Variants in PRELID2 observed in about 807,000 individuals in gnomAD.
PRELID2 encodes PRELI domain-containing protein 2.
Under a neutral mutation model 28.4 loss-of-function variants are expected in PRELID2, and 25 were observed. That is an observed-to-expected ratio of 0.88 (90% CI 0.64 to 1.23). The LOEUF is 1.23. Among genes scored for constraint, PRELID2 ranks in the 50% most tolerant of loss-of-function variants. The pLI is 0.00. For missense variants in PRELID2, 201 were observed against 214.4 expected (o/e 0.94, Z 0.39); for synonymous variants, 76 against 71.6 (o/e 1.06, Z -0.31).
the PRELID2 span, among the ~76,000 whole-genome samples, chr5:145,336,048 T>C: frequency 6.6e-6 from 1 of 152,246 alleles, no homozygotes; most frequent in Non-Finnish European, 1.5e-5. Flanking sequence ...TTATCATGTG[T>C]CTTTTGGCTG....
chr5:145,669,881 G>A (rs1034616910), intron 1 of PRELID2, among the ~76,000 whole-genome samples: 8 of 152,016 alleles, frequency 5.3e-5, no homozygotes, highest in Non-Finnish European at 1.2e-4. Flanking sequence ...AGCCTTTCCT[G>A]ACCCTTGATA....
chr5:145,378,974 A>G, the PRELID2 span, among the ~76,000 whole-genome samples: 2 of 151,616 alleles, frequency 1.3e-5, no homozygotes, highest in African/African-American at 4.8e-5. Flanking sequence ...TTTTTTTTCT[A>G]TTAGATGAAG....
chr5:145,532,349 T>C (rs1022181074), intron 1 of PRELID2, among the ~76,000 whole-genome samples: 1 of 152,114 alleles, frequency 6.6e-6, no homozygotes, highest in Admixed American at 6.6e-5. Flanking sequence ...TTGGGTACAA[T>C]TGACACAAAA....
chr5:145,292,483 G>A, the PRELID2 span, among the ~76,000 whole-genome samples: 1 of 152,082 alleles, frequency 6.6e-6, no homozygotes, highest in Non-Finnish European at 1.5e-5. Context: ...AGCTCTAAGA[G>A]GATGAGGACT....
intron 1 of PRELID2, among the ~76,000 whole-genome samples, chr5:145,606,815 T>A (rs919689130): frequency 6.6e-6 from 1 of 152,132 alleles, no homozygotes; most frequent in Non-Finnish European, 1.5e-5. Context: ...TCAACCCTTT[T>A]GGAATAGTTT....
chr5:145,424,793 G>T, the PRELID2 span, among the ~76,000 whole-genome samples: 1 of 152,184 alleles, frequency 6.6e-6, no homozygotes, highest in African/African-American at 2.4e-5. Context: ...AGAGTTAAAT[G>T]TAAAACCCAA....
At chr5:145,553,179 A>AG (rs1752851553) in intron 1 of PRELID2, among the ~76,000 whole-genome samples, 1 of 134,932 alleles carries the variant, frequency 7.4e-6, no homozygotes, top group South Asian at 2.5e-4. Flanking sequence ...CAGTTGCTAG[A>AG]GGACCCCCCC....
the PRELID2 span, among the ~76,000 whole-genome samples, chr5:145,380,426 C>T: frequency 6.6e-6 from 1 of 152,156 alleles, no homozygotes. Context: ...CACCTGGCTG[C>T]TCTAATCGGC....
At position 145,622,135 on chromosome 5, in the gene PRELID2, A is replaced by C. The variant is rs187919038; in HGVS notation, n.70+142796T>G. Among the ~76,000 whole-genome samples, 23 of 152,320 alleles carry C rather than the reference A, an allele frequency of 1.5e-4. No homozygotes were observed. In the East Asian group the frequency reaches 4.4e-3, roughly 29 times the overall value. ...CCAGAATAAACAAAGCTTTAGAGACAGAAAACAGATTTGCCATTGTCTAGG... is the reference window on the plus strand; with the variant it reads ...CCAGAATAAACAAAGCTTTAGAGACCGAAAACAGATTTGCCATTGTCTAGG... On this transcript the variant is annotated intron_variant and non_coding_transcript_variant, in intron 1 of 2. Coordinates refer to the PRELID2 transcript ENST00000510259.
chr5:145,421,094 TG>T, the PRELID2 span, among the ~76,000 whole-genome samples: 2 of 151,502 alleles, frequency 1.3e-5, no homozygotes, highest in Non-Finnish European at 2.9e-5. Flanking sequence ...CACTTGATCA[TG>T]GGGGATAAGC....
At chr5:145,404,464 A>T in the PRELID2 span, among the ~76,000 whole-genome samples, 2 of 152,284 alleles carry the variant, frequency 1.3e-5, no homozygotes, top group African/African-American at 4.8e-5. Context: ...GTCCAGCACT[A>T]TGTTAGGCAG....
the PRELID2 span, among the ~76,000 whole-genome samples, chr5:145,375,154 A>C: frequency 6.6e-6 from 1 of 152,006 alleles, no homozygotes; most frequent in African/African-American, 2.4e-5. Context: ...TGACCCTTGA[A>C]TGCAGTTTTT....
intron 1 of PRELID2, among the ~76,000 whole-genome samples, chr5:145,609,467 G>C (rs1222118011): frequency 6.6e-6 from 1 of 152,218 alleles, no homozygotes; most frequent in Non-Finnish European, 1.5e-5. Context: ...CTGATCCACA[G>C]GTCTCCCTTA....
chr5:145,629,304 C>G (rs901526719), intron 1 of PRELID2, among the ~76,000 whole-genome samples: 1 of 152,332 alleles, frequency 6.6e-6, no homozygotes, highest in Non-Finnish European at 1.5e-5. Flanking sequence ...GTGTGCACAT[C>G]TGCATTTGTC....
chr5:145,448,737 C>G, the PRELID2 span, among the ~76,000 whole-genome samples: 35 of 152,106 alleles, frequency 2.3e-4, no homozygotes, highest in Admixed American at 2.3e-3. Flanking sequence ...AATCTGTTAT[C>G]TCATCTGTAA....
At chr5:145,634,023 G>C (rs1164163906) in intron 1 of PRELID2, among the ~76,000 whole-genome samples, 2 of 152,112 alleles carry the variant, frequency 1.3e-5, no homozygotes, top group Non-Finnish European at 2.9e-5. Flanking sequence ...TAAGCCCCAT[G>C]TGCCCCAGCT....
the PRELID2 span, among the ~76,000 whole-genome samples, chr5:145,312,462 G>A: frequency 1.3e-5 from 2 of 152,242 alleles, no homozygotes; most frequent in South Asian, 4.1e-4. Context: ...TTCTCCTATT[G>A]AAGTGAAACT....
rs138919039 is a variant in PRELID2 at position 145,591,059 on chromosome 5, G to A, written n.71-117744C>T. Among the ~76,000 whole-genome samples the A allele has an allele frequency of 6.1e-3, 925 of 152,220 alleles. 21 individuals carry two copies. The highest frequency in any genetic ancestry group is 0.021 in the African/African-American group (869 of 41,532). ...GCCTGTAATCCCAGCACTTCAGGAG[G>A]CTGAGGTAGGAGGATTGCTTGAGCC... On this transcript the variant is annotated intron_variant and non_coding_transcript_variant, in intron 1 of 2. Coordinates refer to the PRELID2 transcript ENST00000510259.
rs181665157 is a variant in PRELID2, at chr5:145,611,600, C to T, written n.71-138285G>A. Reference sequence around the variant, plus strand: ...CTAGCAAAATGGGTATAACTCTATTCAAAACAGAAACATTGTATTATTGGA... The same window carrying T: ...CTAGCAAAATGGGTATAACTCTATTTAAAACAGAAACATTGTATTATTGGA... On this transcript the variant is annotated intron_variant and non_coding_transcript_variant, in intron 1 of 2. Transcript: ENST00000510259. Among the ~76,000 whole-genome samples, 573 of 152,204 alleles carry T rather than the reference C, an allele frequency of 3.8e-3. 5 individuals are homozygous for T. The highest frequency in any genetic ancestry group is 0.013 in the African/African-American group (532 of 41,520).
Sources: gnomAD v4.1 joint callset for allele counts (sites outside exome capture counted in the v4.1 genomes callset) on GRCh38, gnomAD v4.1.1 for gene constraint, MANE v1.5 for transcripts, NCBI Gene and HGNC (gene_info 2026-07-23, HGNC 2026-07-21) for gene names.